Variants in SHOX2 observed in about 807,000 individuals in gnomAD.
SHOX2 encodes the protein SHOX homeobox 2, also known as short stature homeobox protein 2.
A neutral mutation model predicts 31.3 loss-of-function variants in SHOX2; 13 were observed. The observed-to-expected ratio is 0.42, with a 90% confidence interval of 0.27 to 0.66. The LOEUF is 0.66. SHOX2 is among the 30% of genes least tolerant of loss of function. SHOX2 has a pLI of 0.27. For missense variants in SHOX2, 473 were observed against 443.0 expected (o/e 1.07, Z -0.61); for synonymous variants, 244 against 196.2 (o/e 1.24, Z -2.04).
chr3:158,097,913 G>T lies in SHOX2; in HGVS notation c.*114C>A. ...GGGGACGAGGGATGGTCAGTGAGGC[G>T]GGAAGAGGGCCGGCTCCCGAGGTCT... On this transcript the variant is annotated 3_prime_UTR_variant, in exon 5 of 5. Coordinates refer to ENST00000483851, the MANE Select transcript of SHOX2 (RefSeq NM_001163678.2). 3 of 1,334,164 alleles carry T rather than the reference G, an allele frequency of 2.2e-6. No homozygotes were observed. Among genetic ancestry groups the T allele is most frequent in the Non-Finnish European group, 3.1e-6 (3 of 979,490 alleles). The allele number at this position is 1,334,164 out of a possible 1,614,324, so 82.6% of individuals were successfully genotyped here.
intron 3 of SHOX2, 57 bp from the exon 4 acceptor site, chr3:158,100,005 G>C (rs189200620): frequency 7.1e-7 from 1 of 1,407,312 alleles, no homozygotes; most frequent in African/African-American, 1.4e-5. Flanking sequence ...CATTTTTCAG[G>C]GTTCCAAAGG....
At chr3:158,102,942 ACG>A in intron 1 of SHOX2, 56 bp from the exon 2 acceptor site, 17 of 1,366,800 alleles carry the variant, frequency 1.2e-5, no homozygotes, top group Non-Finnish European at 1.6e-5. Flanking sequence ...ACACACACAC[ACG>A]CACACACACA....
intron 1 of SHOX2, among the ~76,000 whole-genome samples, chr3:158,104,601 A>G (rs770023412): frequency 4.6e-5 from 7 of 152,166 alleles, no homozygotes; most frequent in Admixed American, 4.6e-4. Context: ...GGCTTTGTCT[A>G]TTACATGTCA....
Position 158,099,740 on chromosome 3 carries a change from T to A in SHOX2, c.702+120A>T, listed in dbSNP as rs1578074276. On this transcript the variant is annotated intron_variant, in intron 4 of 4. Coordinates refer to ENST00000483851, the MANE Select transcript of SHOX2 (RefSeq NM_001163678.2). ...GTGGGTCCACTATATCATCTCAAAA[T>A]GATTCTCCAACTATGCAGACATTGA... The A allele has an allele frequency of 6.8e-5, 52 of 762,526 alleles. No homozygotes were observed. The East Asian group carries it at 1.4e-3, about 20-fold the overall frequency. 47.2% of individuals were successfully genotyped at this position (762,526 alleles called of 1,614,324 possible).
At chr3:158,104,514 C>A (rs528271940) in intron 1 of SHOX2, among the ~76,000 whole-genome samples, 1 of 152,330 alleles carries the variant, frequency 6.6e-6, no homozygotes, top group Admixed American at 6.5e-5. Flanking sequence ...AATTTAATAG[C>A]AAAGTATTTT....
At chr3:158,105,649 A>G in intron 1 of SHOX2, 30 bp downstream of exon 1, 1 of 1,508,162 alleles carries the variant, frequency 6.6e-7, no homozygotes. Flanking sequence ...GGGAAGGGGA[A>G]CCGCTGCCGG....
chr3:158,103,956 C>T (rs1713680155), intron 1 of SHOX2: 4 of 152,286 alleles, frequency 2.6e-5, no homozygotes, highest in Admixed American at 2.0e-4. Flanking sequence ...AGGAGCTCTT[C>T]TAGTGTGAGC....
At chr3:158,105,369 C>G (rs1713826399) in intron 1 of SHOX2, 3 of 593,522 alleles carry the variant, frequency 5.1e-6, no homozygotes, top group African/African-American at 3.7e-5. Flanking sequence ...GCGGGCCATC[C>G]GGGCTGCGGG....
intron 1 of SHOX2, among the ~76,000 whole-genome samples, chr3:158,104,477 G>C (rs1194543074): frequency 6.6e-6 from 1 of 152,230 alleles, no homozygotes. Context: ...TCTTTAGGAA[G>C]GAACATTATA....
At chr3:158,102,123 C>T (rs753486734) in intron 2 of SHOX2, among the ~76,000 whole-genome samples, 1 of 152,226 alleles carries the variant, frequency 6.6e-6, no homozygotes, top group Non-Finnish European at 1.5e-5. Flanking sequence ...CTATTTCACA[C>T]ACAGTTTGAG....
In SHOX2 at chr3:158,105,732, T is replaced by A; in HGVS notation, c.293A>T (p.Asp98Val). The change falls in exon 1 of 5, where the codon GAC (aspartate) becomes GTC (valine). Residue 98 changes from aspartate to valine, a missense_variant. Coordinates refer to ENST00000483851, the MANE Select transcript of SHOX2 (RefSeq NM_001163678.2). ...GGGRSPVREL[D>V]MGAAERSREP... ...CCTGCTTCTCTCGGCGGCGCCCATG[T>A]CCAGCTCCCGGACGGGAGAGCGCCC... 1 of 1,525,166 alleles carries A rather than the reference T, an allele frequency of 6.6e-7. No individual in the cohort carries two copies. Among genetic ancestry groups the A allele is most frequent in the Non-Finnish European group, 8.8e-7 (1 of 1,137,372 alleles). The allele number at this position is 1,525,166 out of a possible 1,614,324, so 94.5% of individuals were successfully genotyped here.
chr3:158,105,089 CA>C, intron 1 of SHOX2: 1 of 1,449,694 alleles, frequency 6.9e-7, no homozygotes, highest in Non-Finnish European at 9.2e-7. Flanking sequence ...CCGGGAGAAG[CA>C]GCGTAGCCTG....
chr3:158,101,409 T>C (rs1713481106), intron 2 of SHOX2, among the ~76,000 whole-genome samples: 1 of 152,238 alleles, frequency 6.6e-6, no homozygotes, highest in Non-Finnish European at 1.5e-5. Flanking sequence ...GAGTTGGAAT[T>C]AAGATACTAA....
intron 1 of SHOX2, chr3:158,105,210 C>T (rs1713809406): frequency 2.3e-6 from 2 of 853,158 alleles, no homozygotes; most frequent in Admixed American, 2.1e-5. Flanking sequence ...CTTGGCGGCC[C>T]CAAACACCTA....
chr3:158,100,341 A>T, intron 2 of SHOX2, 30 bp from the exon 3 acceptor site: 1 of 1,550,556 alleles, frequency 6.4e-7, no homozygotes, highest in South Asian at 1.2e-5. Flanking sequence ...AAAAAATAAA[A>T]CCTAGATGTT....
intron 4 of SHOX2, 80 bp downstream of exon 4, chr3:158,099,780 G>T: frequency 9.7e-7 from 1 of 1,026,092 alleles, no homozygotes; most frequent in Non-Finnish European, 1.5e-6. Context: ...TGGGCTCAGA[G>T]ACAGGTGATG....
In SHOX2 at chr3:158,105,894, G is replaced by C. The variant is rs200713548; in HGVS notation, c.131C>G (p.Thr44Ser). The C allele has an allele frequency of 1.9e-4, 297 of 1,582,170 alleles. No homozygotes were observed. Among genetic ancestry groups the C allele is most frequent in the Non-Finnish European group, 2.4e-4 (281 of 1,166,360 alleles). The change falls in exon 1 of 5, where the codon ACC becomes AGC. Residue 44 changes from threonine (T) to serine (S), a missense_variant. By Grantham distance (58) the Thr-to-Ser change is moderately conservative. Around this residue, in one of 3 missense-constraint regions of SHOX2, gnomAD observed 276 missense variants for 230.0 expected, o/e 1.20. Transcript: ENST00000483851. The part of the protein sequence containing the change: ...LRGAKEPTGC[T>S]EAGRDDRSSP... ...GCTGCGGTCGTCGCGGCCCGCCTCG[G>C]TGCAGCCGGTCGGCTCCTTGGCCCC...
intron 1 of SHOX2, 63 bp downstream of exon 1, chr3:158,105,616 C>T (rs13080102): frequency 0.031 from 43,697 of 1,430,848 alleles, 803 homozygotes; most frequent in Non-Finnish European, 0.034. Flanking sequence ...AGTCCTCTCC[C>T]GCCCGAGAGG....
intron 1 of SHOX2, chr3:158,105,045 G>GC: frequency 2.2e-6 from 1 of 446,488 alleles, no homozygotes; most frequent in East Asian, 5.7e-5. Context: ...CCCCCCCCCC[G>GC]CCCCCAACAC....
Sources: allele counts gnomAD v4.1 joint callset (sites outside exome capture counted in the v4.1 genomes callset), GRCh38; gene constraint gnomAD v4.1.1; regional missense constraint gnomAD v4.1.1; transcripts MANE v1.5; gene names NCBI Gene and HGNC (gene_info 2026-07-23, HGNC 2026-07-21).